Variants in RERE observed in about 807,000 individuals in gnomAD.
The protein encoded by RERE is arginine-glutamic acid dipeptide repeats protein.
Under a neutral mutation model 146.1 loss-of-function variants are expected in RERE, and 40 were observed. The observed-to-expected ratio is 0.27, with a 90% CI of 0.21 to 0.36. RERE has a LOEUF of 0.36. Ranked by LOEUF, RERE falls within the 10% of genes least tolerant of loss-of-function variation. RERE has a pLI of 1.00. For missense variants in RERE, 1,933 were observed against 2,138.7 expected, an observed-to-expected ratio of 0.90 and a Z score of 1.90; for synonymous variants, 1,003 against 866.0, an observed-to-expected ratio of 1.16 and a Z score of -2.78.
intron 7 of RERE, among the ~76,000 whole-genome samples, chr1:8,539,856 TACACTAATGCGA>T (rs1444170686): frequency 6.6e-6 from 1 of 152,046 alleles, no homozygotes; most frequent in Non-Finnish European, 1.5e-5. Context: ...GACAGACAGA[TACACTAATGCGA>T]GCCCCAAGAG....
chr1:8,585,278 A>AT (rs1646414239), intron 4 of RERE, among the ~76,000 whole-genome samples: 3 of 152,214 alleles, frequency 2.0e-5, no homozygotes, highest in Admixed American at 2.0e-4. Context: ...AAACTCTGTA[A>AT]TCCTGGATTT....
At chr1:8,491,825 G>A (rs1644983263) in intron 10 of RERE, among the ~76,000 whole-genome samples, 1 of 152,072 alleles carries the variant, frequency 6.6e-6, no homozygotes, top group African/African-American at 2.4e-5. Context: ...TTACTCACAG[G>A]TTTCTTCTAA....
intron 1 of RERE, chr1:8,750,289 A>C: frequency 1.8e-6 from 1 of 545,106 alleles, no homozygotes; most frequent in Non-Finnish European, 3.3e-6. Flanking sequence ...ATGCTTCAAT[A>C]TCAAGGTAAC....
intron 1 of RERE, among the ~76,000 whole-genome samples, chr1:8,731,337 C>T (rs1404485481): frequency 6.6e-6 from 1 of 152,068 alleles, no homozygotes; most frequent in Non-Finnish European, 1.5e-5. Flanking sequence ...TGCAATTGCT[C>T]AGAGCATTCT....
intron 4 of RERE, among the ~76,000 whole-genome samples, chr1:8,600,370 TTTTC>T (rs750221358): frequency 5.3e-5 from 8 of 152,336 alleles, no homozygotes; most frequent in South Asian, 4.1e-4. Context: ...TGCCAGCTGT[TTTTC>T]TTTAAGAATT....
At chr1:8,466,809 C>G (rs891163646) in intron 10 of RERE, among the ~76,000 whole-genome samples, 7 of 152,156 alleles carry the variant, frequency 4.6e-5, no homozygotes, top group Non-Finnish European at 5.9e-5. Context: ...TCTTTTCAAC[C>G]CTGTGTAGTG....
In RERE at chr1:8,360,197, G is replaced by A. The variant is rs762249662; in HGVS notation, c.3310C>T (p.Pro1104Ser). ...KEEALDDAEEPESPPPPPRSP... is the reference protein window; with the variant it reads ...KEEALDDAEESESPPPPPRSP... ...CTTGGTGGGGGAGGGGGGCTCTCAGGCTCCTCAGCGTCGTCCAGAGCCTCC... is the reference window on the plus strand; with the variant it reads ...CTTGGTGGGGGAGGGGGGCTCTCAGACTCCTCAGCGTCGTCCAGAGCCTCC... Residue 1104 changes from proline (P) to serine (S), a missense_variant, in exon 18 of 23, where the codon CCT (proline) becomes TCT (serine). Around this residue, in one of 11 missense-constraint regions of RERE, gnomAD observed 1,255 missense variants for 1,153.8 expected, o/e 1.09. Coordinates refer to ENST00000400908, the MANE Select transcript of RERE (RefSeq NM_001042681.2). The A allele has an allele frequency of 1.9e-6, 3 of 1,595,758 alleles. No individual in the cohort carries two copies. The highest frequency in any genetic ancestry group is 2.6e-6 in the Non-Finnish European group (3 of 1,172,166).
At chr1:8,502,287 G>A (rs1484843302) in intron 8 of RERE, among the ~76,000 whole-genome samples, 54 of 109,420 alleles carry the variant, frequency 4.9e-4, no homozygotes, top group African/African-American at 5.2e-4. Context: ...CCCCTACTGG[G>A]AAGTGAGGAG....
chr1:8,645,774 G>C (rs1218340577), intron 2 of RERE, among the ~76,000 whole-genome samples: 2 of 152,130 alleles, frequency 1.3e-5, no homozygotes, highest in African/African-American at 4.8e-5. Flanking sequence ...TCTCTAATTA[G>C]AATAACTTTA....
intron 20 of RERE, among the ~76,000 whole-genome samples, chr1:8,357,977 G>A (rs955655436): frequency 1.3e-5 from 2 of 152,266 alleles, no homozygotes; most frequent in African/African-American, 4.8e-5. Flanking sequence ...TGCTGCAGCT[G>A]TCTGAGGCCT....
intron 8 of RERE, 60 bp downstream of exon 8, chr1:8,508,567 G>A (rs965037586): frequency 8.1e-7 from 1 of 1,233,506 alleles, no homozygotes; most frequent in Non-Finnish European, 1.2e-6. Flanking sequence ...ACAGAATAAA[G>A]TGCCAGCAGA....
intron 12 of RERE, among the ~76,000 whole-genome samples, chr1:8,418,779 C>A (rs950572219): frequency 2.6e-5 from 4 of 152,154 alleles, no homozygotes; most frequent in African/African-American, 9.7e-5. Context: ...CATGGATTCA[C>A]CTTTAGGTAA....
intron 1 of RERE, among the ~76,000 whole-genome samples, chr1:8,730,238 A>G (rs1640052955): frequency 6.6e-6 from 1 of 152,250 alleles, no homozygotes; most frequent in South Asian, 2.1e-4. Flanking sequence ...ACAAAAATAC[A>G]GCTTGAAGAT....
At chr1:8,361,927 A>G (rs565209819) in intron 16 of RERE, 51 bp from the exon 17 acceptor site, 4 of 1,285,236 alleles carry the variant, frequency 3.1e-6, no homozygotes, top group Admixed American at 3.7e-5. Flanking sequence ...AGACCATCCC[A>G]TCAGCCTCAG....
intron 7 of RERE, among the ~76,000 whole-genome samples, chr1:8,513,589 G>A (rs1037082647): frequency 6.6e-6 from 1 of 152,152 alleles, no homozygotes; most frequent in Non-Finnish European, 1.5e-5. Flanking sequence ...GACTAGCCTG[G>A]CCAACATAGT....
intron 1 of RERE, among the ~76,000 whole-genome samples, chr1:8,673,508 AC>A (rs1638767841): frequency 6.6e-6 from 1 of 152,030 alleles, no homozygotes; most frequent in African/African-American, 2.4e-5. Context: ...AAAAATTCAT[AC>A]CCCCTGACAA....
At chr1:8,558,919 C>T (rs748922440) in intron 4 of RERE, among the ~76,000 whole-genome samples, 5 of 151,110 alleles carry the variant, frequency 3.3e-5, no homozygotes, top group Non-Finnish European at 7.4e-5. Context: ...CCTCAGCCTC[C>T]CAAGTAGCTG....
chr1:8,508,697 T>G (rs764003710), intron 7 of RERE, 22 bp from the exon 8 acceptor site: 1 of 1,599,830 alleles, frequency 6.3e-7, no homozygotes, highest in Non-Finnish European at 8.6e-7. Flanking sequence ...ATAGAGCAGA[T>G]TAAGTTAGCG....
chr1:8,757,551 T>G (rs1474346794), intron 1 of RERE, among the ~76,000 whole-genome samples: 1 of 152,180 alleles, frequency 6.6e-6, no homozygotes, highest in African/African-American at 2.4e-5. Context: ...AAAATCAAGA[T>G]AAGCTCACTG....
Sources: allele counts gnomAD v4.1 joint callset (sites outside exome capture counted in the v4.1 genomes callset), GRCh38; gene constraint gnomAD v4.1.1; regional missense constraint gnomAD v4.1.1; transcripts MANE v1.5; gene names NCBI Gene and HGNC (gene_info 2026-07-23, HGNC 2026-07-21).